Variants in AR observed in about 807,000 individuals in gnomAD.
AR encodes dihydrotestosterone receptor.
Under a neutral mutation model 53.9 loss-of-function variants are expected in AR, and 8 were observed. That is an observed-to-expected ratio of 0.15 (90% CI 0.09 to 0.27). AR has a LOEUF of 0.27. Among genes scored for constraint, AR ranks in the 10% least tolerant of loss-of-function variants. The probability of loss-of-function intolerance (pLI) is 1.00; values close to 1 mark genes in which losing one functional copy is unlikely to be tolerated. For synonymous variants in AR, 359 were observed against 316.4 expected (o/e 1.13, Z -1.43); for missense variants, 639 against 742.5 (o/e 0.86, Z 1.62).
chrX:67,626,642 T>C lies in AR; in HGVS notation c.1617-16614T>C, dbSNP rs112830369. ...TATATATATATATATATATTTATTATTATTATACTTTAAGTTTTAGGGTAC... is the reference window on the plus strand; with the variant it reads ...TATATATATATATATATATTTATTACTATTATACTTTAAGTTTTAGGGTAC... On this transcript the variant is annotated intron_variant, in intron 1 of 7. Coordinates refer to ENST00000374690, the MANE Select transcript of AR (RefSeq NM_000044.6). Among the ~76,000 whole-genome samples, 3 of 99,347 alleles carry C rather than the reference T, an allele frequency of 3.0e-5. No individual in the cohort carries two copies. The East Asian group carries it at 9.2e-4, about 31-fold the overall frequency. The allele number at this position is 99,347 out of a possible 115,157, so 86.3% of individuals were successfully genotyped here.
intron 3 of AR, among the ~76,000 whole-genome samples, chrX:67,703,830 G>T (rs998541187): frequency 9.0e-5 from 10 of 110,688 alleles, no homozygotes; most frequent in African/African-American, 3.3e-4. Context: ...AGTGTGTGAT[G>T]TTCCCCTTCC....
chrX:67,551,228 C>G (rs1929985727), intron 1 of AR, among the ~76,000 whole-genome samples: 1 of 109,981 alleles, frequency 9.1e-6, no homozygotes, highest in African/African-American at 3.3e-5. Context: ...CTGTTCGGTT[C>G]AGACCTCAGT....
At chrX:67,598,957 C>T (rs1343257510) in intron 1 of AR, among the ~76,000 whole-genome samples, 1 of 110,945 alleles carries the variant, frequency 9.0e-6, no homozygotes, top group Admixed American at 9.7e-5. Context: ...TGATATGCAG[C>T]CAGTAGCCAC....
At chrX:67,643,620 G>A (rs944437653) in intron 2 of AR, among the ~76,000 whole-genome samples, 1 of 111,973 alleles carries the variant, frequency 8.9e-6, no homozygotes, top group African/African-American at 3.2e-5. Flanking sequence ...TTTAGGCAGT[G>A]AAGGTGGTCC....
chrX:67,720,185 C>A (rs1055453780), intron 5 of AR, among the ~76,000 whole-genome samples: 1 of 111,458 alleles, frequency 9.0e-6, no homozygotes, highest in Non-Finnish European at 1.9e-5. Context: ...CTCTTGCACT[C>A]CCACCAACCT....
At chrX:67,550,655 A>C (rs1417361348) in intron 1 of AR, among the ~76,000 whole-genome samples, 1 of 80,268 alleles carries the variant, frequency 1.2e-5, no homozygotes, top group Non-Finnish European at 2.0e-5. Context: ...ACTCTGAAAA[A>C]TAAAAAAAAA....
At chrX:67,570,097 G>A (rs1921747411) in intron 1 of AR, among the ~76,000 whole-genome samples, 1 of 112,134 alleles carries the variant, frequency 8.9e-6, no homozygotes, top group African/African-American at 3.2e-5. Context: ...CTGTCTTTGA[G>A]AAGCAGAACT....
At chrX:67,602,683 G>GTGAACT (rs1355360573) in intron 1 of AR, among the ~76,000 whole-genome samples, 1 of 111,444 alleles carries the variant, frequency 9.0e-6, no homozygotes, top group Non-Finnish European at 1.9e-5. Context: ...AATTCTGTCA[G>GTGAACT]TGAACTTGAA....
chrX:67,564,124 C>G (rs1036907881), intron 1 of AR, among the ~76,000 whole-genome samples: 1 of 111,328 alleles, frequency 9.0e-6, no homozygotes, highest in Non-Finnish European at 1.9e-5. Flanking sequence ...TAACAAAGGA[C>G]CTTCCTCTCA....
At position 67,587,324 on chromosome X, in the gene AR, T is replaced by C. The variant is rs190884595; in HGVS notation, c.1616+40562T>C. 2.9e-3 allele frequency among the ~76,000 whole-genome samples: 326 copies of C among 112,680 alleles called. 4 individuals carry two copies. Among genetic ancestry groups the C allele is most frequent in the African/African-American group, 0.01 (322 of 31,068 alleles). On this transcript the variant is annotated intron_variant, in intron 1 of 7. Transcript: ENST00000374690. Reference sequence around the variant, plus strand: ...ATGATTCATGCTGCATAAGTATTCATTAATGTTCATTTCATTTATTTGGCT... The same window carrying C: ...ATGATTCATGCTGCATAAGTATTCACTAATGTTCATTTCATTTATTTGGCT...
At chrX:67,692,587 C>A (rs781269799) in intron 3 of AR, among the ~76,000 whole-genome samples, 1 of 112,198 alleles carries the variant, frequency 8.9e-6, no homozygotes, top group South Asian at 3.7e-4. Flanking sequence ...CACTTACTAT[C>A]TTGATGTCCT....
chrX:67,578,702 AT>A (rs1240657564), intron 1 of AR, among the ~76,000 whole-genome samples: 1 of 111,835 alleles, frequency 8.9e-6, no homozygotes, highest in African/African-American at 3.2e-5. Flanking sequence ...AAGTGTTCAT[AT>A]TTTGTATTTG....
In AR at chrX:67,546,375, ACCTGGCGAG is replaced by A. The variant is rs1346983924; in HGVS notation, c.1234_1242del (p.Ala412_Leu414del). Reference sequence around the variant, plus strand: ...GCGGCGGCGCAGTGCCGCTATGGGGACCTGGCGAGCCTGCATGGCGCGGGTGCAGCGGGA... The same window carrying A: ...GCGGCGGCGCAGTGCCGCTATGGGGACCTGCATGGCGCGGGTGCAGCGGGA... On this transcript the variant is annotated inframe_deletion, in exon 1 of 8. Coordinates refer to ENST00000374690, the MANE Select transcript of AR (RefSeq NM_000044.6). 3 of 1,180,702 alleles carry A rather than the reference ACCTGGCGAG, an allele frequency of 2.5e-6. No individual in the cohort carries two copies. Among genetic ancestry groups the A allele is most frequent in the African/African-American group, 1.8e-5 (1 of 56,118 alleles).
chrX:67,592,207 C>G (rs1922862387), intron 1 of AR, among the ~76,000 whole-genome samples: 1 of 111,912 alleles, frequency 8.9e-6, no homozygotes, highest in Non-Finnish European at 1.9e-5. Context: ...GGATCTATGT[C>G]TACCAATTGC....
chrX:67,631,042 A>G (rs1382653435), intron 1 of AR, among the ~76,000 whole-genome samples: 2 of 111,290 alleles, frequency 1.8e-5, no homozygotes, highest in South Asian at 7.7e-4. Flanking sequence ...TTTGAGGGTA[A>G]CCTGACCTTT....
At chrX:67,654,614 C>G (rs1257786130) in intron 2 of AR, among the ~76,000 whole-genome samples, 1 of 108,610 alleles carries the variant, frequency 9.2e-6, no homozygotes, top group Non-Finnish European at 1.9e-5. Flanking sequence ...ACCTCCCCAG[C>G]AAATTCAAGT....
intron 2 of AR, among the ~76,000 whole-genome samples, chrX:67,665,400 T>A (rs753346400): frequency 6.2e-5 from 7 of 112,420 alleles, no homozygotes; most frequent in Non-Finnish European, 9.4e-5. Context: ...TAGTAAATAC[T>A]GAGGGAGAAC....
intron 1 of AR, among the ~76,000 whole-genome samples, chrX:67,562,669 G>A (rs1921383842): frequency 9.0e-6 from 1 of 110,500 alleles, no homozygotes; most frequent in South Asian, 3.9e-4. Context: ...GCAAATCTTG[G>A]GTCCCTTGCT....
intron 2 of AR, among the ~76,000 whole-genome samples, chrX:67,681,815 G>A (rs886279100): frequency 7.1e-5 from 8 of 112,144 alleles, no homozygotes; most frequent in African/African-American, 2.6e-4. Flanking sequence ...CAACCAAAAA[G>A]TCTTTAAAAA....
Sources: gnomAD v4.1 joint callset for allele counts (sites outside exome capture counted in the v4.1 genomes callset) on GRCh38, gnomAD v4.1.1 for gene constraint, MANE v1.5 for transcripts, NCBI Gene and HGNC (gene_info 2026-07-23, HGNC 2026-07-21) for gene names.